NEO1: variants seen among roughly 807,000 people sequenced by gnomAD.
The protein encoded by NEO1 is neogenin.
NEO1 carries 63 observed loss-of-function variants against 159.7 expected under a neutral mutation model. The observed-to-expected ratio is 0.39, with a 90% CI of 0.32 to 0.49. The LOEUF (loss-of-function observed/expected upper bound fraction) is 0.49. Among genes scored for constraint, NEO1 ranks in the 20% least tolerant of loss-of-function variants. The probability of loss-of-function intolerance (pLI) is 0.85; values close to 1 mark genes in which losing one functional copy is unlikely to be tolerated. For missense variants in NEO1, 1,615 were observed against 1,831.0 expected, an observed-to-expected ratio of 0.88 and a Z score of 2.15; for synonymous variants, 633 against 662.0, an observed-to-expected ratio of 0.96 and a Z score of 0.67.
At position 73,236,473 on chromosome 15, in the gene NEO1, A is replaced by C; in HGVS notation, c.1418A>C (p.Tyr473Ser). The change falls in exon 8 of 29, where the codon TAC becomes TCC. Residue 473 changes from tyrosine (Y) to serine (S), a missense_variant. By Grantham distance (144) the Tyr-to-Ser change is moderately radical. Transcript: ENST00000261908. Reference sequence around the variant, plus strand: ...GATCCTCACGGAGACAACCTTACCTACTCTGTGTTCTACACCAAGGAAGGG... The same window carrying C: ...GATCCTCACGGAGACAACCTTACCTCCTCTGTGTTCTACACCAAGGAAGGG... ...ASDPHGDNLT[Y>S]SVFYTKEGIA... 6.2e-7 allele frequency: 1 copy of C among 1,612,868 alleles called. No homozygotes were observed. The highest frequency in any genetic ancestry group is 1.1e-5 in the South Asian group (1 of 91,006).
chr15:73,256,507 G>A (rs2040357525), intron 13 of NEO1, among the ~76,000 whole-genome samples: 1 of 151,922 alleles, frequency 6.6e-6, no homozygotes, highest in Admixed American at 6.6e-5. Flanking sequence ...CTCAAAAAAA[G>A]TATAATGTTT....
intron 2 of NEO1, among the ~76,000 whole-genome samples, chr15:73,118,966 G>A (rs1037224400): frequency 6.6e-6 from 1 of 151,876 alleles, no homozygotes; most frequent in Non-Finnish European, 1.5e-5. Flanking sequence ...CAGATTACTG[G>A]AATTGGGATT....
intron 9 of NEO1, 142 bp downstream of exon 9, chr15:73,244,640 A>G: frequency 3.5e-6 from 3 of 857,870 alleles, no homozygotes; most frequent in Non-Finnish European, 3.4e-6. Context: ...GGGAGGCAAA[A>G]TTAATTTACA....
At chr15:73,266,773 C>G (rs1351108243) in intron 16 of NEO1, among the ~76,000 whole-genome samples, 1 of 152,070 alleles carries the variant, frequency 6.6e-6, no homozygotes, top group African/African-American at 2.4e-5. Flanking sequence ...CTGACGGTGG[C>G]AATAAATGCA....
intron 8 of NEO1, among the ~76,000 whole-genome samples, chr15:73,241,381 T>G (rs979840960): frequency 1.4e-4 from 21 of 152,172 alleles, no homozygotes; most frequent in Non-Finnish European, 2.2e-4. Flanking sequence ...AAGAATAGTT[T>G]TTACATTTTT....
At chr15:73,182,548 A>G (rs556187831) in intron 7 of NEO1, among the ~76,000 whole-genome samples, 1 of 151,934 alleles carries the variant, frequency 6.6e-6, no homozygotes, top group African/African-American at 2.4e-5. Flanking sequence ...ATAAAGAAAA[A>G]GAGGTTTAAT....
intron 22 of NEO1, 112 bp downstream of exon 22, chr15:73,278,311 T>C: frequency 1.2e-6 from 1 of 838,678 alleles, no homozygotes; most frequent in Non-Finnish European, 1.9e-6. Flanking sequence ...CATATTAGCC[T>C]GTTTTCTTTT....
chr15:73,181,969 G>A (rs960968075), intron 7 of NEO1, among the ~76,000 whole-genome samples: 22 of 49,764 alleles, frequency 4.4e-4, no homozygotes, highest in Non-Finnish European at 6.9e-4. Flanking sequence ...CTGAAACAGG[G>A]CAATTTACAA....
intron 1 of NEO1, among the ~76,000 whole-genome samples, chr15:73,098,745 C>T (rs558305584): frequency 1.3e-5 from 2 of 152,162 alleles, no homozygotes; most frequent in African/African-American, 4.8e-5. Flanking sequence ...TATATTTTGG[C>T]CAGTGTATCT....
intron 7 of NEO1, among the ~76,000 whole-genome samples, chr15:73,227,918 A>G (rs1052167972): frequency 6.6e-6 from 1 of 152,168 alleles, no homozygotes; most frequent in Non-Finnish European, 1.5e-5. Context: ...AGATGTTTAG[A>G]CTTATTCTGG....
intron 27 of NEO1, among the ~76,000 whole-genome samples, chr15:73,299,714 T>C (rs114888569): frequency 2.6e-3 from 401 of 152,354 alleles, no homozygotes; most frequent in African/African-American, 9.2e-3. Context: ...AACAAAAATA[T>C]AGTGAGAAGA....
intron 15 of NEO1, 46 bp from the exon 16 acceptor site, chr15:73,266,270 A>T: frequency 6.8e-7 from 1 of 1,481,000 alleles, no homozygotes; most frequent in Non-Finnish European, 9.3e-7. Flanking sequence ...GAATTTTTAA[A>T]ATTCTGTAGT....
At chr15:73,225,260 T>G (rs1046014764) in intron 7 of NEO1, among the ~76,000 whole-genome samples, 1 of 152,122 alleles carries the variant, frequency 6.6e-6, no homozygotes, top group African/African-American at 2.4e-5. Context: ...GGTTTAATGC[T>G]CTATTTTTGT....
intron 7 of NEO1, among the ~76,000 whole-genome samples, chr15:73,222,505 T>G (rs1358565741): frequency 6.6e-6 from 1 of 152,162 alleles, no homozygotes; most frequent in Non-Finnish European, 1.5e-5. Flanking sequence ...TTCCAGGAAT[T>G]TATCCATCCC....
chr15:73,148,003 G>A (rs981351377), intron 5 of NEO1, among the ~76,000 whole-genome samples: 12 of 151,858 alleles, frequency 7.9e-5, no homozygotes, highest in African/African-American at 2.7e-4. Context: ...TGCTAGAGAC[G>A]GGTTTCACCA....
chr15:73,183,803 G>GGTAGTC (rs1567414852), intron 7 of NEO1, among the ~76,000 whole-genome samples: 1 of 152,092 alleles, frequency 6.6e-6, no homozygotes, highest in Non-Finnish European at 1.5e-5. Flanking sequence ...ACAGGACAAT[G>GGTAGTC]GTAGTCTCCC....
intron 7 of NEO1, among the ~76,000 whole-genome samples, chr15:73,203,201 G>A (rs1186147263): frequency 6.6e-6 from 1 of 152,170 alleles, no homozygotes; most frequent in Non-Finnish European, 1.5e-5. Flanking sequence ...CACAGTGGCT[G>A]TACCATTTTA....
chr15:73,297,671 G>A (rs1418346852), intron 26 of NEO1, among the ~76,000 whole-genome samples: 3 of 151,644 alleles, frequency 2.0e-5, no homozygotes, highest in Non-Finnish European at 4.4e-5. Flanking sequence ...TTTTGAGATT[G>A]TTATCATGTT....
At chr15:73,142,367 TG>T (rs201669964) in intron 5 of NEO1, among the ~76,000 whole-genome samples, 1,768 of 152,320 alleles carry the variant, frequency 0.012, 20 homozygotes, top group Non-Finnish European at 0.016. Flanking sequence ...GGGCTTTCAT[TG>T]GGTGGTTAAG....
Sources: gnomAD v4.1 joint callset for allele counts (sites outside exome capture counted in the v4.1 genomes callset) on GRCh38, gnomAD v4.1.1 for gene constraint, MANE v1.5 for transcripts, NCBI Gene and HGNC (gene_info 2026-07-23, HGNC 2026-07-21) for gene names.